GOLGA7B: variants seen among roughly 807,000 people sequenced by gnomAD.
GOLGA7B encodes the protein golgin subfamily A member 7B.
A neutral mutation model predicts 21.5 loss-of-function variants in GOLGA7B; 17 were observed. The ratio of observed to expected loss-of-function variants is 0.79; its 90% confidence interval spans 0.54 to 1.19. The LOEUF (loss-of-function observed/expected upper bound fraction) is 1.19. Ranked by LOEUF, GOLGA7B falls within the 50% of genes most tolerant of loss-of-function variation. The pLI is 0.00. For missense variants in GOLGA7B, 169 were observed against 224.4 expected (o/e 0.75, Z 1.58); for synonymous variants, 87 against 84.0 (o/e 1.04, Z -0.19).
chr10:97,861,376 A>G (rs1431211952), intron 2 of GOLGA7B, among the ~76,000 whole-genome samples: 1 of 152,200 alleles, frequency 6.6e-6, no homozygotes, highest in Non-Finnish European at 1.5e-5. Context: ...CTCGCAGGGA[A>G]AGCTTAGAGA....
intron 1 of GOLGA7B, 127 bp downstream of exon 1, chr10:97,850,442 C>T: frequency 1.3e-6 from 1 of 751,764 alleles, no homozygotes; most frequent in South Asian, 2.2e-5. Context: ...CAGGTCAGGT[C>T]TGGAGGGAGG....
rs1382246835 is a variant in GOLGA7B at position 97,870,396 on chromosome 10, A to G, written c.*4696A>G. ...TTCCCCTTATATGAAACTGAAAGAC[A>G]GGCCAAACTCGCCTTTGATTGGGAG... On this transcript the variant is annotated 3_prime_UTR_variant, in exon 5 of 5. Transcript: ENST00000370602. 1 of 152,154 alleles carries G rather than the reference A, an allele frequency of 6.6e-6. No homozygotes were observed. Among genetic ancestry groups the G allele is most frequent in the Non-Finnish European group, 1.5e-5 (1 of 68,018 alleles). 9.4% of individuals were successfully genotyped at this position (152,154 alleles called of 1,614,324 possible).
At chr10:97,865,500 C>T in intron 4 of GOLGA7B, 90 bp from the exon 5 acceptor site, 1 of 1,561,306 alleles carries the variant, frequency 6.4e-7, no homozygotes, top group Non-Finnish European at 8.7e-7. Context: ...AGCCCACTTT[C>T]CCACTCCCCT....
intron 1 of GOLGA7B, among the ~76,000 whole-genome samples, chr10:97,852,538 T>C (rs897811699): frequency 1.3e-5 from 2 of 152,196 alleles, no homozygotes; most frequent in Non-Finnish European, 2.9e-5. Flanking sequence ...TGAGTCATTC[T>C]CCCAAGGCTG....
intron 1 of GOLGA7B, among the ~76,000 whole-genome samples, chr10:97,855,948 T>G (rs567156827): frequency 2.6e-4 from 39 of 152,372 alleles, no homozygotes; most frequent in Middle Eastern, 3.4e-3. Context: ...CACCTGGATT[T>G]AGGAAAGTCA....
At chr10:97,852,530 A>G (rs527920661) in intron 1 of GOLGA7B, among the ~76,000 whole-genome samples, 5 of 152,090 alleles carry the variant, frequency 3.3e-5, no homozygotes, top group Non-Finnish European at 7.4e-5. Context: ...TTGTGGGGTG[A>G]GTCATTCTCC....
Position 97,849,930 on chromosome 10 carries a change from C to A in GOLGA7B, c.-374C>A, listed in dbSNP as rs2049893331. On this transcript the variant is annotated 5_prime_UTR_variant, in exon 1 of 5. Coordinates refer to ENST00000370602, the MANE Select transcript of GOLGA7B (RefSeq NM_001010917.3). Reference sequence around the variant, plus strand: ...GCCGCGGCTTCCCCCTCCCGGCCAGCGGCGGCTCCTGGCCCCTCCTCCCCC... The same window carrying A: ...GCCGCGGCTTCCCCCTCCCGGCCAGAGGCGGCTCCTGGCCCCTCCTCCCCC... 1 of 152,076 alleles carries A rather than the reference C, an allele frequency of 6.6e-6. No individual in the cohort carries two copies. The highest frequency in any genetic ancestry group is 2.1e-4 in the South Asian group (1 of 4,850). The allele number at this position is 152,076 out of a possible 1,614,324, so 9.4% of individuals were successfully genotyped here.
chr10:97,859,467 C>T lies in GOLGA7B; in HGVS notation c.22C>T (p.Leu8=). ...CCGCACGTCTCCTCAGGTCCACAAT[C>T]TGCAGGAGCTCCGGCGAAGTGCCTC... MATEVHN[L]QELRRSASLA... The change falls in exon 2 of 5, where the codon CTG becomes TTG. Residue 8 remains leucine (L), a synonymous_variant. Transcript: ENST00000370602. 1 of 1,614,144 alleles carries T rather than the reference C, an allele frequency of 6.2e-7. No individual in the cohort carries two copies. The highest frequency in any genetic ancestry group is 1.3e-5 in the African/African-American group (1 of 75,052).
rs567531286 is a variant in GOLGA7B, at chr10:97,859,494, C to G, written c.49C>G (p.Leu17Val). 2 of 1,614,062 alleles carry G rather than the reference C, an allele frequency of 1.2e-6. No homozygotes were observed. Among genetic ancestry groups the G allele is most frequent in the Non-Finnish European group, 1.7e-6 (2 of 1,180,006 alleles). Residue 17 changes from leucine to valine, a missense_variant, in exon 2 of 5, where the codon CTG becomes GTG. Physicochemically the swap from Leu to Val is conservative, Grantham distance 32. Coordinates refer to ENST00000370602, the MANE Select transcript of GOLGA7B (RefSeq NM_001010917.3). ...GCAGGAGCTCCGGCGAAGTGCCTCA[C>G]TGGCCACCAAGGTCTTTATCCAGAG... ...NLQELRRSAS[L>V]ATKVFIQRDY...
Position 97,857,138 on chromosome 10 carries a change from A to G in GOLGA7B, c.13-2320A>G, listed in dbSNP as rs149190653. On this transcript the variant is annotated intron_variant, in intron 1 of 4. Coordinates refer to ENST00000370602, the MANE Select transcript of GOLGA7B (RefSeq NM_001010917.3). ...CATTTGCTTTTGGGGACTTCATCAT[A>G]AATTATTTGCCTAGGCCAATATCCA... Among the ~76,000 whole-genome samples, 10 of 152,204 alleles carry G rather than the reference A, an allele frequency of 6.6e-5. No homozygotes were observed. In the East Asian group the frequency reaches 1.9e-3, roughly 29 times the overall value.
chr10:97,850,851 C>A (rs935481396), intron 1 of GOLGA7B, among the ~76,000 whole-genome samples: 1 of 151,058 alleles, frequency 6.6e-6, no homozygotes, highest in Non-Finnish European at 1.5e-5. Context: ...GCTTTTTTAC[C>A]CCATTCGAGT....
intron 2 of GOLGA7B, among the ~76,000 whole-genome samples, chr10:97,862,024 G>A: frequency 6.6e-6 from 1 of 152,210 alleles, no homozygotes; most frequent in South Asian, 2.1e-4. Context: ...CATGAGTGAG[G>A]AAGAAGGTAC....
At chr10:97,863,570 C>T (rs1352351640) in intron 2 of GOLGA7B, among the ~76,000 whole-genome samples, 4 of 152,202 alleles carry the variant, frequency 2.6e-5, no homozygotes, top group Non-Finnish European at 5.9e-5. Flanking sequence ...CTAGAATACT[C>T]GTTTGATCTT....
intron 1 of GOLGA7B, among the ~76,000 whole-genome samples, chr10:97,853,490 C>T (rs2049915686): frequency 6.6e-6 from 1 of 152,196 alleles, no homozygotes; most frequent in Non-Finnish European, 1.5e-5. Context: ...TACCCACTCT[C>T]CAGGCAGACT....
chr10:97,862,206 A>G (rs947854047), intron 2 of GOLGA7B, among the ~76,000 whole-genome samples: 2 of 152,168 alleles, frequency 1.3e-5, no homozygotes, highest in African/African-American at 4.8e-5. Flanking sequence ...TTGATTATGT[A>G]TTAGTCTCTA....
Position 97,865,725 on chromosome 10 carries a change from G to A in GOLGA7B, c.*25G>A, listed in dbSNP as rs781652046. ...ACTGGCCGAGAGTCCCTGTAGGGAG[G>A]TGTATGGCCGGAGTGAGGGCCTTGC... On this transcript the variant is annotated 3_prime_UTR_variant, in exon 5 of 5. Transcript: ENST00000370602. 8.2e-6 allele frequency: 13 copies of A among 1,584,250 alleles called. No individual in the cohort carries two copies. The East Asian group carries it at 2.7e-4, about 33-fold the overall frequency.
chr10:97,857,544 G>C (rs1467275262), intron 1 of GOLGA7B, among the ~76,000 whole-genome samples: 1 of 152,006 alleles, frequency 6.6e-6, no homozygotes, highest in African/African-American at 2.4e-5. Flanking sequence ...TGACCATGCG[G>C]CCCAAAGCAA....
intron 2 of GOLGA7B, 88 bp from the exon 3 acceptor site, chr10:97,863,842 G>T (rs1268686446): frequency 2.2e-6 from 3 of 1,381,732 alleles, no homozygotes; most frequent in African/African-American, 2.9e-5. Context: ...CCATCTACAT[G>T]GCCCCACCAT....
chr10:97,854,831 C>G (rs758815675), intron 1 of GOLGA7B, among the ~76,000 whole-genome samples: 3 of 152,180 alleles, frequency 2.0e-5, no homozygotes, highest in Non-Finnish European at 4.4e-5. Flanking sequence ...GTAAGTGTTC[C>G]TGATCAACAG....
Sources: gnomAD v4.1 joint callset for allele counts (sites outside exome capture counted in the v4.1 genomes callset) on GRCh38, gnomAD v4.1.1 for gene constraint, MANE v1.5 for transcripts, NCBI Gene and HGNC (gene_info 2026-07-23, HGNC 2026-07-21) for gene names.